The following MED12L variants were observed in gnomAD, a reference collection of about 807,000 sequenced individuals.
MED12L encodes mediator complex subunit 12L.
Under a neutral mutation model 281.3 loss-of-function variants are expected in MED12L, and 60 were observed. That is an observed-to-expected ratio of 0.21 (90% confidence interval 0.17 to 0.26). The LOEUF (loss-of-function observed/expected upper bound fraction) is 0.26. Ranked by LOEUF, MED12L falls within the 10% of genes least tolerant of loss-of-function variation. The pLI is 1.00. For missense variants in MED12L, 2,146 were observed against 2,680.9 expected, an observed-to-expected ratio of 0.80 and a Z score of 4.41; for synonymous variants, 974 against 987.2, an observed-to-expected ratio of 0.99 and a Z score of 0.25.
chr3:151,149,441 C>T (rs773166993), intron 5 of MED12L, among the ~76,000 whole-genome samples: 5 of 152,136 alleles, frequency 3.3e-5, no homozygotes, highest in African/African-American at 4.8e-5. Context: ...AAAGTAACAT[C>T]TTAATTAAGG....
intron 5 of MED12L, among the ~76,000 whole-genome samples, chr3:151,151,012 T>A (rs969486914): frequency 1.2e-4 from 18 of 147,242 alleles, no homozygotes; most frequent in Admixed American, 1.0e-3. Flanking sequence ...TCTTATCATT[T>A]GTATGACTGC....
intron 16 of MED12L, among the ~76,000 whole-genome samples, chr3:151,221,657 G>A (rs1453883512): frequency 1.3e-5 from 2 of 152,234 alleles, no homozygotes; most frequent in Non-Finnish European, 2.9e-5. Context: ...CGAGTGCACA[G>A]AAGTCAAGAA....
intron 16 of MED12L, among the ~76,000 whole-genome samples, chr3:151,249,616 GT>G (rs1736445335): frequency 6.6e-6 from 1 of 152,150 alleles, no homozygotes; most frequent in Non-Finnish European, 1.5e-5. Flanking sequence ...ATGCATGCCA[GT>G]ACCTCTTCTA....
At chr3:151,214,415 G>A in intron 16 of MED12L, 1 of 1,020,672 alleles carries the variant, frequency 9.8e-7, no homozygotes, top group Non-Finnish European at 1.4e-6. Flanking sequence ...ATAAGGCAAA[G>A]GGCAATGAAT....
chr3:151,258,664 A>G (rs190339615), intron 16 of MED12L, among the ~76,000 whole-genome samples: 53 of 152,252 alleles, frequency 3.5e-4, no homozygotes, highest in African/African-American at 1.3e-3. Flanking sequence ...AGCCTGATCA[A>G]CATGGTGAAA....
chr3:151,207,297 G>A (rs978310542), intron 16 of MED12L, among the ~76,000 whole-genome samples: 4 of 152,132 alleles, frequency 2.6e-5, no homozygotes, highest in African/African-American at 9.7e-5. Flanking sequence ...GCTGCCTCCT[G>A]AGCTCTTATC....
At chr3:151,327,125 T>A (rs1749707490) in intron 16 of MED12L, 1 of 152,142 alleles carries the variant, frequency 6.6e-6, no homozygotes, top group Admixed American at 6.5e-5. Context: ...CAGTCAAGAA[T>A]ATAGCTAACT....
intron 35 of MED12L, 25 bp from the exon 36 acceptor site, chr3:151,385,005 C>T (rs777454692): frequency 5.7e-6 from 7 of 1,237,844 alleles, no homozygotes; most frequent in Admixed American, 1.8e-5. Context: ...ACTTCTCACT[C>T]TCTCTCTCTC....
At chr3:151,217,104 G>A (rs929078756) in intron 16 of MED12L, among the ~76,000 whole-genome samples, 1 of 152,060 alleles carries the variant, frequency 6.6e-6, no homozygotes, top group Non-Finnish European at 1.5e-5. Flanking sequence ...TAATAACTGT[G>A]TAATATATAG....
rs1268147605 is a variant in MED12L at position 151,433,621 on chromosome 3, CTATT to C, written c.*822_*825del. 1 of 152,360 alleles carries C rather than the reference CTATT, an allele frequency of 6.6e-6. No individual in the cohort carries two copies. The allele number at this position is 152,360 out of a possible 1,614,324, so 9.4% of individuals were successfully genotyped here. Reference sequence around the variant, plus strand: ...AAAGAACTGCAGTGGAATCGTCCAACTATTTATTGCCAGTTTTGGTTCTCCTGAA... The same window carrying C: ...AAAGAACTGCAGTGGAATCGTCCAACTATTGCCAGTTTTGGTTCTCCTGAA... On this transcript the variant is annotated 3_prime_UTR_variant, in exon 45 of 45. Transcript: ENST00000687756.
chr3:151,224,901 G>A (rs192696113), intron 16 of MED12L, among the ~76,000 whole-genome samples: 1 of 152,098 alleles, frequency 6.6e-6, no homozygotes, highest in Admixed American at 6.5e-5. Flanking sequence ...CCTTTGCCAA[G>A]GCCGTTTGTT....
intron 16 of MED12L, among the ~76,000 whole-genome samples, chr3:151,204,210 A>T (rs1192621843): frequency 6.6e-6 from 1 of 152,164 alleles, no homozygotes; most frequent in African/African-American, 2.4e-5. Flanking sequence ...GTTTCTTTTA[A>T]TAATACTTGG....
chr3:151,104,264 T>G (rs1721738935), intron 2 of MED12L, among the ~76,000 whole-genome samples: 2 of 152,192 alleles, frequency 1.3e-5, no homozygotes, highest in Admixed American at 6.5e-5. Flanking sequence ...CAAGGTGACC[T>G]TTTAGGGAAG....
chr3:151,286,786 ACT>A (rs1487857061), intron 16 of MED12L, among the ~76,000 whole-genome samples: 1 of 152,098 alleles, frequency 6.6e-6, no homozygotes, highest in East Asian at 1.9e-4. Flanking sequence ...CAACACTTTC[ACT>A]CTCAAAAGTG....
chr3:151,215,091 T>C (rs1385279055), intron 16 of MED12L, among the ~76,000 whole-genome samples: 1 of 152,074 alleles, frequency 6.6e-6, no homozygotes, highest in Non-Finnish European at 1.5e-5. Flanking sequence ...TATGGGATTA[T>C]GGGTACCTTT....
Position 151,413,237 on chromosome 3 carries a change from C to T in MED12L, c.6239C>T (p.Pro2080Leu), listed in dbSNP as rs1560139513. 6.2e-7 allele frequency: 1 copy of T among 1,614,170 alleles called. No homozygotes were observed. Among genetic ancestry groups the T allele is most frequent in the Non-Finnish European group, 8.5e-7 (1 of 1,180,038 alleles). Residue 2080 changes from proline to leucine, a missense_variant, in exon 42 of 45, where the codon CCT (proline) becomes CTT (leucine). Pro to Leu is a moderately conservative substitution (Grantham distance 98). Around this residue, in one of 9 missense-constraint regions of MED12L, gnomAD observed 496 missense variants for 512.0 expected, o/e 0.97. Transcript: ENST00000687756. ...CCAAACCTTCCCTCCGTGCCCCTGCCTCAGGATCCCATGAGACCCAGACAG... is the reference window on the plus strand; with the variant it reads ...CCAAACCTTCCCTCCGTGCCCCTGCTTCAGGATCCCATGAGACCCAGACAG... Reference protein sequence around the residue: ...AHPNLPSVPLPQDPMRPRQPQ... With the variant: ...AHPNLPSVPLLQDPMRPRQPQ...
chr3:151,282,206 A>T (rs1742908428), intron 16 of MED12L, among the ~76,000 whole-genome samples: 1 of 152,152 alleles, frequency 6.6e-6, no homozygotes, highest in Non-Finnish European at 1.5e-5. Flanking sequence ...TGAGCCCTGT[A>T]TAGACCTTAT....
At chr3:151,260,486 A>G (rs1738653304) in intron 16 of MED12L, among the ~76,000 whole-genome samples, 1 of 152,028 alleles carries the variant, frequency 6.6e-6, no homozygotes, top group Admixed American at 6.6e-5. Context: ...AGTAGCTGGG[A>G]CTGCAGGCGT....
At chr3:151,361,603 A>T (rs981404506) in intron 21 of MED12L, among the ~76,000 whole-genome samples, 1 of 152,112 alleles carries the variant, frequency 6.6e-6, no homozygotes, top group Non-Finnish European at 1.5e-5. Context: ...AGAAAGTTGT[A>T]TTTTTATAAA....
Sources: gnomAD v4.1 joint callset for allele counts (sites outside exome capture counted in the v4.1 genomes callset) on GRCh38, gnomAD v4.1.1 for gene constraint, gnomAD v4.1.1 regional missense constraint, MANE v1.5 for transcripts, NCBI Gene and HGNC (gene_info 2026-07-23, HGNC 2026-07-21) for gene names.